MME: variants seen among roughly 807,000 people sequenced by gnomAD.
MME encodes the protein neprilysin.
A neutral mutation model predicts 113.2 loss-of-function variants in MME; 98 were observed. The ratio of observed to expected loss-of-function variants is 0.87; its 90% confidence interval spans 0.74 to 1.02. The LOEUF is 1.02. Among genes scored for constraint, MME ranks in the 50% least tolerant of loss-of-function variants. The pLI is 0.00. For missense variants in MME, 836 were observed against 896.0 expected, an observed-to-expected ratio of 0.93 and a Z score of 0.86; for synonymous variants, 292 against 300.6, an observed-to-expected ratio of 0.97 and a Z score of 0.30.
intron 3 of MME, among the ~76,000 whole-genome samples, chr3:155,107,483 G>A (rs1015512374): frequency 6.6e-6 from 1 of 152,086 alleles, no homozygotes; most frequent in Non-Finnish European, 1.5e-5. Context: ...GTGACCAAGA[G>A]TTTTTAAAAT....
chr3:155,031,182 G>A (rs969976534), intron 1 of MME, among the ~76,000 whole-genome samples: 6 of 152,094 alleles, frequency 3.9e-5, no homozygotes, highest in African/African-American at 1.4e-4. Flanking sequence ...ATCTTTAAGA[G>A]CAGGGTATTT....
In MME at chr3:155,180,416, A is replaced by G; in HGVS notation, c.2210A>G (p.Lys737Arg). The G allele has an allele frequency of 6.2e-7, 1 of 1,613,666 alleles. No homozygotes were observed. Among genetic ancestry groups the G allele is most frequent in the Non-Finnish European group, 8.5e-7 (1 of 1,179,646 alleles). The change falls in exon 23 of 23, where the codon AAG becomes AGG. Residue 737 changes from lysine to arginine, a missense_variant. Physicochemically the swap from Lys to Arg is conservative, Grantham distance 26. Transcript: ENST00000360490. ...TTTTCAGAAGCCTTTCACTGCCGCA[A>G]GAATTCATACATGAATCCAGAAAAG... is the stretch of plus-strand genomic sequence containing the variant. ...AEFSEAFHCR[K>R]NSYMNPEKKC...
At chr3:155,083,921 G>GCAAAA (rs1482545063) in intron 1 of MME, 12 of 467,374 alleles carry the variant, frequency 2.6e-5, no homozygotes, top group African/African-American at 2.0e-5. Context: ...ATATACCAAA[G>GCAAAA]CAAAACAAAA....
rs1012140544 is a variant in MME at position 155,119,413 on chromosome 3, T to A, written c.720+602T>A. ...CTTGGGCTGATGTTCACGTGCTCTT[T>A]TTTTTTTTTTTTTTTTATTATACTT... is the stretch of plus-strand genomic sequence containing the variant. On this transcript the variant is annotated intron_variant, in intron 8 of 22. Coordinates refer to ENST00000360490, the MANE Select transcript of MME (RefSeq NM_007289.4). Among the ~76,000 whole-genome samples, 22 of 139,782 alleles carry A rather than the reference T, an allele frequency of 1.6e-4. No homozygotes were observed. The East Asian group carries it at 4.1e-3, about 26-fold the overall frequency. 91.7% of individuals were successfully genotyped at this position (139,782 alleles called of 152,430 possible).
chr3:155,125,238 C>T (rs1420786050), intron 8 of MME, among the ~76,000 whole-genome samples: 11 of 146,350 alleles, frequency 7.5e-5, no homozygotes, highest in Non-Finnish European at 1.2e-4. Context: ...TGACCCCTTG[C>T]GCTTCCCAGG....
At chr3:155,169,650 T>TA (rs1362590360) in intron 20 of MME, among the ~76,000 whole-genome samples, 2 of 152,166 alleles carry the variant, frequency 1.3e-5, no homozygotes, top group Non-Finnish European at 2.9e-5. Context: ...AGCCCATATG[T>TA]AGGAGAAAGA....
chr3:155,153,247 G>T (rs996932001), intron 16 of MME, among the ~76,000 whole-genome samples: 2 of 151,928 alleles, frequency 1.3e-5, no homozygotes, highest in Admixed American at 6.6e-5. Context: ...GGCTGGTCTC[G>T]AACTCCTGAC....
intron 10 of MME, among the ~76,000 whole-genome samples, chr3:155,141,469 G>A (rs1721081593): frequency 1.3e-5 from 2 of 152,114 alleles, no homozygotes; most frequent in South Asian, 4.1e-4. Flanking sequence ...TGGCATGCCT[G>A]TAGACCCAAT....
At chr3:155,121,381 C>T (rs1719114358) in intron 8 of MME, among the ~76,000 whole-genome samples, 1 of 151,238 alleles carries the variant, frequency 6.6e-6, no homozygotes, top group South Asian at 2.1e-4. Context: ...ATTTGACTTC[C>T]TCTTTTCCTA....
At chr3:155,116,328 G>C (rs892053752) in intron 4 of MME, 151 bp from the exon 5 acceptor site, 1 of 654,394 alleles carries the variant, frequency 1.5e-6, no homozygotes, top group Non-Finnish European at 2.8e-6. Context: ...TTTGGAACTG[G>C]GGGGAGGAAA....
intron 16 of MME, among the ~76,000 whole-genome samples, chr3:155,155,609 C>G (rs576267759): frequency 1.3e-5 from 2 of 152,168 alleles, no homozygotes; most frequent in Non-Finnish European, 2.9e-5. Context: ...TTCTTGCCTT[C>G]ATGGAATTAC....
chr3:155,057,496 C>T (rs1198737553), intron 1 of MME, among the ~76,000 whole-genome samples: 2 of 151,952 alleles, frequency 1.3e-5, no homozygotes, highest in Admixed American at 6.6e-5. Flanking sequence ...TACTAGATCT[C>T]TAAACAGTTT....
chr3:155,107,722 A>G (rs938554441), intron 3 of MME, among the ~76,000 whole-genome samples: 2 of 152,244 alleles, frequency 1.3e-5, no homozygotes, highest in Non-Finnish European at 2.9e-5. Flanking sequence ...ATTTACAGAC[A>G]TGCACAGACT....
intron 1 of MME, among the ~76,000 whole-genome samples, chr3:155,054,693 T>C (rs1214488634): frequency 6.6e-6 from 1 of 152,154 alleles, no homozygotes; most frequent in Admixed American, 6.5e-5. Flanking sequence ...GGCTCACCCC[T>C]GTAGTCCTAG....
At chr3:155,070,064 A>G (rs1714504172) in intron 1 of MME, among the ~76,000 whole-genome samples, 1 of 152,338 alleles carries the variant, frequency 6.6e-6, no homozygotes, top group South Asian at 2.1e-4. Flanking sequence ...CTCTCCTATA[A>G]GAATATAGTT....
At chr3:155,045,076 A>T (rs1291587827) in intron 1 of MME, among the ~76,000 whole-genome samples, 2 of 152,022 alleles carry the variant, frequency 1.3e-5, no homozygotes, top group African/African-American at 4.8e-5. Flanking sequence ...TGTCCATGAA[A>T]CCCTTTAAAC....
chr3:155,032,289 A>C (rs1462634832), intron 1 of MME, among the ~76,000 whole-genome samples: 1 of 152,222 alleles, frequency 6.6e-6, no homozygotes, highest in Non-Finnish European at 1.5e-5. Flanking sequence ...TTTAAAGATT[A>C]CAAATTTTCC....
In MME at chr3:155,182,560, A is replaced by G. The variant is rs201177057; in HGVS notation, c.*2101A>G. 5.3e-5 allele frequency: 8 copies of G among 152,214 alleles called. No individual in the cohort carries two copies. The highest frequency in any genetic ancestry group is 1.0e-4 in the Non-Finnish European group (7 of 68,038). The allele number at this position is 152,214 out of a possible 1,614,324, so 9.4% of individuals were successfully genotyped here. The stretch of plus-strand genomic sequence containing the variant: ...CCTAAAATACATTTAAAACTTACCT[A>G]AGTGACATTTGTAGTTGGAGTAATA... On this transcript the variant is annotated 3_prime_UTR_variant, in exon 23 of 23. Coordinates refer to ENST00000360490, the MANE Select transcript of MME (RefSeq NM_007289.4).
intron 22 of MME, among the ~76,000 whole-genome samples, 180 bp downstream of exon 22, chr3:155,172,792 C>A (rs1396863474): frequency 1.3e-5 from 2 of 151,104 alleles, no homozygotes; most frequent in Non-Finnish European, 2.9e-5. Flanking sequence ...ATAAGCATAG[C>A]CTTGGCCACT....
Sources: allele counts gnomAD v4.1 joint callset (sites outside exome capture counted in the v4.1 genomes callset), GRCh38; gene constraint gnomAD v4.1.1; transcripts MANE v1.5; gene names NCBI Gene and HGNC (gene_info 2026-07-23, HGNC 2026-07-21).